Variants in GRM5 observed in about 807,000 individuals in gnomAD.
The protein encoded by GRM5 is metabotropic glutamate receptor 5.
In GRM5, 19 loss-of-function variants were observed where a neutral mutation model predicts 83.1. The observed-to-expected ratio is 0.23, with a 90% confidence interval of 0.16 to 0.34. GRM5 has a LOEUF of 0.34. GRM5 is among the 10% of genes least tolerant of loss of function. The probability of loss-of-function intolerance (pLI) is 1.00; values close to 1 mark genes in which losing one functional copy is unlikely to be tolerated. For missense variants in GRM5, 1,160 were observed against 1,588.3 expected (o/e 0.73, Z 4.58); for synonymous variants, 675 against 633.6 (o/e 1.07, Z -0.98).
chr11:88,781,646 A>G (rs1942978923), intron 3 of GRM5, among the ~76,000 whole-genome samples: 1 of 152,324 alleles, frequency 6.6e-6, no homozygotes, highest in East Asian at 1.9e-4. Flanking sequence ...TAAGGCAAGT[A>G]GTTAGCTTGT....
At chr11:88,637,340 A>T (rs987057740) in intron 4 of GRM5, among the ~76,000 whole-genome samples, 6 of 151,412 alleles carry the variant, frequency 4.0e-5, no homozygotes, top group African/African-American at 1.4e-4. Flanking sequence ...TGCACAGCAA[A>T]AGAAACTACC....
chr11:88,678,884 C>T (rs1940405221), intron 3 of GRM5, among the ~76,000 whole-genome samples: 1 of 151,312 alleles, frequency 6.6e-6, no homozygotes, highest in Admixed American at 6.6e-5. Flanking sequence ...ATTTGAAGCT[C>T]TGTGGTAAAA....
At chr11:88,982,483 C>A (rs1018242517) in intron 2 of GRM5, among the ~76,000 whole-genome samples, 2 of 151,996 alleles carry the variant, frequency 1.3e-5, no homozygotes, top group Admixed American at 6.5e-5. Context: ...TGTAATAATT[C>A]TTTTAATTTG....
rs1279340908 is a variant in GRM5, at chr11:88,850,934, T to C, written c.662-779A>G. On this transcript the variant is annotated intron_variant, in intron 2 of 9. Transcript: ENST00000305447. ...GCCAGGACACAAGGACCTTTATATA[T>C]GTGATCTAATTTAGCACTCACAATA... Among the ~76,000 whole-genome samples the C allele has an allele frequency of 2.0e-5, 3 of 152,150 alleles. No homozygotes were observed. In the East Asian group the frequency reaches 5.8e-4, roughly 29 times the overall value.
intron 4 of GRM5, among the ~76,000 whole-genome samples, chr11:88,606,837 A>G (rs1938156043): frequency 6.6e-6 from 1 of 151,890 alleles, no homozygotes; most frequent in Non-Finnish European, 1.5e-5. Flanking sequence ...AATAGGGTTA[A>G]GACATATAGG....
intron 2 of GRM5, among the ~76,000 whole-genome samples, chr11:89,044,857 A>G (rs1941611004): frequency 6.6e-6 from 1 of 151,960 alleles, no homozygotes; most frequent in Non-Finnish European, 1.5e-5. Context: ...GAGGAAAAAA[A>G]AAAAAAAGCA....
intron 3 of GRM5, among the ~76,000 whole-genome samples, chr11:88,749,974 T>C (rs1031501757): frequency 1.3e-5 from 2 of 152,096 alleles, no homozygotes; most frequent in African/African-American, 2.4e-5. Context: ...TGCCAGCTAC[T>C]ACAAAAACAC....
At chr11:88,666,800 CAA>C (rs1399515741) in intron 3 of GRM5, among the ~76,000 whole-genome samples, 1 of 152,180 alleles carries the variant, frequency 6.6e-6, no homozygotes, top group Non-Finnish European at 1.5e-5. Context: ...CAAGCAACAG[CAA>C]ATTCTCTCTG....
At chr11:88,738,348 C>T (rs113956100) in intron 3 of GRM5, among the ~76,000 whole-genome samples, 6 of 152,090 alleles carry the variant, frequency 3.9e-5, no homozygotes, top group South Asian at 2.1e-4. Context: ...TACAGAATTG[C>T]ACTTGAAATG....
At chr11:88,571,940 A>T (rs1339385399) in intron 7 of GRM5, among the ~76,000 whole-genome samples, 2 of 152,224 alleles carry the variant, frequency 1.3e-5, no homozygotes, top group African/African-American at 4.8e-5. Context: ...ACTGTACTAG[A>T]GAAAACAATT....
intron 3 of GRM5, among the ~76,000 whole-genome samples, chr11:88,761,824 C>CA (rs1398511073): frequency 1.4e-5 from 2 of 146,650 alleles, no homozygotes; most frequent in Non-Finnish European, 3.1e-5. Context: ...CTACAGTAAC[C>CA]AAAAAAGCAT....
intron 4 of GRM5, among the ~76,000 whole-genome samples, chr11:88,650,362 A>G (rs1031450076): frequency 6.6e-6 from 1 of 151,958 alleles, no homozygotes; most frequent in Non-Finnish European, 1.5e-5. Flanking sequence ...TAGATATTAA[A>G]AAGATAATAA....
chr11:88,905,111 T>C (rs1945381474), intron 2 of GRM5, among the ~76,000 whole-genome samples: 1 of 152,162 alleles, frequency 6.6e-6, no homozygotes, highest in South Asian at 2.1e-4. Flanking sequence ...TGTGTTTATC[T>C]TTCAGAAACT....
chr11:88,533,275 T>C (rs1405346148), intron 8 of GRM5, among the ~76,000 whole-genome samples: 1 of 152,214 alleles, frequency 6.6e-6, no homozygotes, highest in Admixed American at 6.5e-5. Context: ...GATCTTCTTG[T>C]TGCTTGAAGA....
At chr11:88,557,936 A>C (rs1283779526) in intron 8 of GRM5, among the ~76,000 whole-genome samples, 2 of 151,964 alleles carry the variant, frequency 1.3e-5, no homozygotes, top group Non-Finnish European at 2.9e-5. Context: ...TGAAACCTTC[A>C]AATTGGACTT....
chr11:88,989,432 GT>G (rs1939876302), intron 2 of GRM5, among the ~76,000 whole-genome samples: 1 of 116,232 alleles, frequency 8.6e-6, no homozygotes, highest in Admixed American at 9.2e-5. Context: ...ACACCCCACT[GT>G]CAACATTAGA....
chr11:88,565,888 C>T (rs188111516), intron 8 of GRM5, among the ~76,000 whole-genome samples: 2 of 152,266 alleles, frequency 1.3e-5, no homozygotes, highest in African/African-American at 4.8e-5. Flanking sequence ...GGATAAAATT[C>T]AACTATCCTC....
chr11:88,684,532 A>C (rs567267996), intron 3 of GRM5, among the ~76,000 whole-genome samples: 1 of 152,188 alleles, frequency 6.6e-6, no homozygotes. Context: ...GCAAAGGGTG[A>C]GCTTAAGGTT....
intron 2 of GRM5, among the ~76,000 whole-genome samples, chr11:89,011,783 T>C (rs963839765): frequency 2.0e-5 from 3 of 152,224 alleles, no homozygotes; most frequent in African/African-American, 7.2e-5. Context: ...CATTATTTTA[T>C]GTAACCTTCA....
Sources: allele counts gnomAD v4.1 joint callset (sites outside exome capture counted in the v4.1 genomes callset), GRCh38; gene constraint gnomAD v4.1.1; transcripts MANE v1.5; gene names NCBI Gene and HGNC (gene_info 2026-07-23, HGNC 2026-07-21).